The following ZMYM4 variants were observed in gnomAD, a reference collection of about 807,000 sequenced individuals.
ZMYM4 encodes zinc finger MYM-type protein 4.
In ZMYM4, 31 loss-of-function variants were observed where a neutral mutation model predicts 183.2. The ratio of observed to expected loss-of-function variants is 0.17; its 90% CI spans 0.13 to 0.23. ZMYM4 has a LOEUF of 0.23. ZMYM4 is among the 10% of genes least tolerant of loss of function. The pLI is 1.00. For synonymous variants in ZMYM4, 592 were observed against 631.2 expected (o/e 0.94, Z 0.93); for missense variants, 1,273 against 1,840.3 (o/e 0.69, Z 5.64).
At chr1:35,326,065 T>C (rs979014105) in intron 2 of ZMYM4, among the ~76,000 whole-genome samples, 4 of 152,198 alleles carry the variant, frequency 2.6e-5, no homozygotes, top group Admixed American at 2.6e-4. Context: ...CAGTATTTTA[T>C]TGTATGGCTG....
rs1233498025 is a variant in ZMYM4, at chr1:35,388,958, A to C, written c.2312A>C (p.His771Pro). The C allele has an allele frequency of 6.2e-7, 1 of 1,613,946 alleles. No homozygotes were observed. The highest frequency in any genetic ancestry group is 8.5e-7 in the Non-Finnish European group (1 of 1,180,006). Residue 771 changes from histidine (H) to proline (P), a missense_variant, in exon 14 of 30, where the codon CAC (histidine) becomes CCC (proline). His to Pro is a moderately conservative substitution (Grantham distance 77). Around this residue, in one of 6 missense-constraint regions of ZMYM4, gnomAD observed 319 missense variants for 518.1 expected, o/e 0.62. Coordinates refer to ENST00000314607, the MANE Select transcript of ZMYM4 (RefSeq NM_005095.3). ...KHDLAKRWGN[H>P]CKMCSYCLQT... is the part of the protein sequence containing the mutation. ...GACTTGGCAAAACGCTGGGGAAATC[A>C]CTGTAAAATGTGCAGTTATTGTTTA...
intron 2 of ZMYM4, among the ~76,000 whole-genome samples, chr1:35,340,485 G>C (rs1036257896): frequency 6.6e-6 from 1 of 151,840 alleles, no homozygotes; most frequent in East Asian, 1.9e-4. Flanking sequence ...TGTAGAATCA[G>C]TGGGAACCCT....
chr1:35,381,308 A>G lies in ZMYM4; in HGVS notation c.1231A>G (p.Thr411Ala). The change falls in exon 8 of 30, where the codon ACC becomes GCC. Residue 411 changes from threonine (T) to alanine (A), a missense_variant. By Grantham distance (58) the Thr-to-Ala change is moderately conservative. Coordinates refer to ENST00000314607, the MANE Select transcript of ZMYM4 (RefSeq NM_005095.3). ...GATCAGTGCCCAGTTTGAAAACACC[A>G]CCACTAGTAAAGATTTTTGCAGTCA... ...DVISAQFENTTTSKDFCSQSC... is the reference protein window; with the variant it reads ...DVISAQFENTATSKDFCSQSC... The G allele has an allele frequency of 6.2e-7, 1 of 1,612,964 alleles. No homozygotes were observed. The highest frequency in any genetic ancestry group is 8.5e-7 in the Non-Finnish European group (1 of 1,179,440).
Position 35,361,656 on chromosome 1 carries a change from G to A in ZMYM4, c.707G>A (p.Gly236Asp), listed in dbSNP as rs771424408. 6.2e-7 allele frequency: 1 copy of A among 1,613,510 alleles called. No individual in the cohort carries two copies. The highest frequency in any genetic ancestry group is 1.7e-5 in the Admixed American group (1 of 59,940). ...CCATTTGCCAATAAAGAATCCATTG[G>A]TTCGGAACTGGGGAATTCCTTTGCA... Reference protein sequence around the residue: ...SYPFANKESIGSELGNSFASN... With the variant: ...SYPFANKESIDSELGNSFASN... Residue 236 changes from glycine to aspartate, a missense_variant, in exon 5 of 30, where the codon GGT (glycine) becomes GAT (aspartate). Gly to Asp is a moderately conservative substitution (Grantham distance 94, BLOSUM62 -1). Coordinates refer to ENST00000314607, the MANE Select transcript of ZMYM4 (RefSeq NM_005095.3).
chr1:35,328,369 ACTCCTGGGGTCAAGTGATC>A (rs1642593218), intron 2 of ZMYM4, among the ~76,000 whole-genome samples: 1 of 151,510 alleles, frequency 6.6e-6, no homozygotes, highest in Admixed American at 6.6e-5. Context: ...ACAACCTTGA[ACTCCTGGGGTCAAGTGATC>A]CTCCCATCTC....
intron 2 of ZMYM4, among the ~76,000 whole-genome samples, chr1:35,358,352 T>G (rs1188891404): frequency 6.6e-6 from 1 of 152,186 alleles, no homozygotes; most frequent in Non-Finnish European, 1.5e-5. Context: ...TATGTGTAAG[T>G]ATTAACTGCC....
intron 8 of ZMYM4, 50 bp downstream of exon 8, chr1:35,381,483 T>G: frequency 6.2e-7 from 1 of 1,609,212 alleles, no homozygotes; most frequent in Non-Finnish European, 8.5e-7. Flanking sequence ...ACGTTTGTGC[T>G]TAAAGAACAG....
At chr1:35,335,780 T>C (rs1642947245) in intron 2 of ZMYM4, among the ~76,000 whole-genome samples, 1 of 152,170 alleles carries the variant, frequency 6.6e-6, no homozygotes, top group African/African-American at 2.4e-5. Context: ...GGTGAAACTT[T>C]GTCTCTACTA....
At chr1:35,317,131 A>T (rs1642081245) in intron 1 of ZMYM4, among the ~76,000 whole-genome samples, 1 of 143,420 alleles carries the variant, frequency 7.0e-6, no homozygotes, top group Admixed American at 7.1e-5. Flanking sequence ...TCAAAAAAAA[A>T]AAAAAAGTTA....
intron 2 of ZMYM4, among the ~76,000 whole-genome samples, chr1:35,337,061 A>G (rs776066739): frequency 2.3e-4 from 35 of 152,158 alleles, no homozygotes; most frequent in Non-Finnish European, 4.3e-4. Flanking sequence ...CTTTGAGTCA[A>G]TTAAACCTCT....
At position 35,419,883 on chromosome 1, in the gene ZMYM4, T is replaced by C. The variant is rs1399181982; in HGVS notation, c.*206T>C. ...TGAACTGAGAAATGTTCTTTGGCAG[T>C]GATATAGTTCTTAGACATCTTCAGA... is the stretch of plus-strand genomic sequence containing the variant. On this transcript the variant is annotated 3_prime_UTR_variant, in exon 30 of 30. Transcript: ENST00000314607. 2 of 577,178 alleles carry C rather than the reference T, an allele frequency of 3.5e-6. No homozygotes were observed. Among genetic ancestry groups the C allele is most frequent in the African/African-American group, 3.7e-5 (2 of 53,346 alleles). 35.8% of individuals were successfully genotyped at this position (577,178 alleles called of 1,614,324 possible). A position where few individuals can be genotyped will look rare whatever the true frequency, so the allele number is the denominator to read the frequency against.
chr1:35,287,391 A>G (rs1175086431), intron 1 of ZMYM4, among the ~76,000 whole-genome samples: 2 of 151,832 alleles, frequency 1.3e-5, no homozygotes, highest in South Asian at 2.1e-4. Flanking sequence ...CTACCCATTA[A>G]GTACATTATG....
chr1:35,397,586 T>G (rs775203696), intron 20 of ZMYM4, 41 bp downstream of exon 20: 1 of 1,516,436 alleles, frequency 6.6e-7, no homozygotes, highest in Non-Finnish European at 8.8e-7. Context: ...AAAAACACGT[T>G]TTACACATTT....
chr1:35,326,468 T>C (rs990205685), intron 2 of ZMYM4, among the ~76,000 whole-genome samples: 1 of 152,168 alleles, frequency 6.6e-6, no homozygotes, highest in African/African-American at 2.4e-5. Context: ...AAACAAACAA[T>C]AATAAACATG....
In ZMYM4 at chr1:35,405,231, A is replaced by G. The variant is rs202126200; in HGVS notation, c.3700+37A>G. 8 of 1,605,214 alleles carry G rather than the reference A, an allele frequency of 5.0e-6. No homozygotes were observed. The Admixed American group carries it at 5.1e-5, about 10-fold the overall frequency. ...GCATGAATTGTATCTTGATTTAGGT[A>G]GGGGGAAATATACAGATAATCTACT... On this transcript the variant is annotated intron_variant, in intron 24 of 29. Coordinates refer to ENST00000314607, the MANE Select transcript of ZMYM4 (RefSeq NM_005095.3).
At chr1:35,332,745 G>A (rs775667365) in intron 2 of ZMYM4, among the ~76,000 whole-genome samples, 1 of 152,078 alleles carries the variant, frequency 6.6e-6, no homozygotes, top group African/African-American at 2.4e-5. Flanking sequence ...CACCCAGGCT[G>A]TAGTGTAGTG....
In ZMYM4 at chr1:35,274,137, C is replaced by T. The variant is rs183480815; in HGVS notation, c.39+5052C>T. On this transcript the variant is annotated intron_variant, in intron 1 of 29. Coordinates refer to ENST00000314607, the MANE Select transcript of ZMYM4 (RefSeq NM_005095.3). ...CTAAATGTATTACTTAAAAACATGGCGGTACATATCATTACAATATTTGCG... is the reference window on the plus strand; with the variant it reads ...CTAAATGTATTACTTAAAAACATGGTGGTACATATCATTACAATATTTGCG... Among the ~76,000 whole-genome samples the T allele has an allele frequency of 1.1e-4, 16 of 151,570 alleles. 2 individuals carry two copies. Among genetic ancestry groups the T allele is most frequent in the African/African-American group, 2.9e-4 (12 of 41,410 alleles).
At chr1:35,348,042 A>G (rs1165671869) in intron 2 of ZMYM4, among the ~76,000 whole-genome samples, 2 of 152,194 alleles carry the variant, frequency 1.3e-5, no homozygotes, top group South Asian at 2.1e-4. Flanking sequence ...CATTGTTGCC[A>G]GAACACTAGA....
rs568514759 is a variant in ZMYM4, at chr1:35,315,234, G to A, written c.40-10126G>A. ...TGTAAATTTAACACTCAAAAGATAC[G>A]TTTTGCAAAACTTCAATAGAACATT... is the stretch of plus-strand genomic sequence containing the variant. On this transcript the variant is annotated intron_variant, in intron 1 of 29. Coordinates refer to ENST00000314607, the MANE Select transcript of ZMYM4 (RefSeq NM_005095.3). Among the ~76,000 whole-genome samples the A allele has an allele frequency of 7.6e-4, 115 of 152,004 alleles. 1 individual carries two copies. The highest frequency in any genetic ancestry group is 2.4e-3 in the African/African-American group (101 of 41,478).
Sources: gnomAD v4.1 joint callset for allele counts (sites outside exome capture counted in the v4.1 genomes callset) on GRCh38, gnomAD v4.1.1 for gene constraint, gnomAD v4.1.1 regional missense constraint, MANE v1.5 for transcripts, NCBI Gene and HGNC (gene_info 2026-07-23, HGNC 2026-07-21) for gene names.